The following PPP1R3E variants were observed in gnomAD, a reference collection of about 807,000 sequenced individuals.
PPP1R3E encodes the protein protein phosphatase 1, regulatory (inhibitor) subunit 3E.
A neutral mutation model predicts 18.5 loss-of-function variants in PPP1R3E; 20 were observed. That is an observed-to-expected ratio of 1.08 (90% CI 0.76 to 1.58). The LOEUF (loss-of-function observed/expected upper bound fraction) is 1.58, where lower values mean the gene tolerates loss of function less well. Among genes scored for constraint, PPP1R3E ranks in the 40% most tolerant of loss-of-function variants. PPP1R3E has a pLI of 0.00. For synonymous variants in PPP1R3E, 208 were observed against 208.1 expected (o/e 1.00, Z 0.00); for missense variants, 498 against 460.2 (o/e 1.08, Z -0.75).
In PPP1R3E at chr14:23,302,417, G is replaced by C. The variant is rs1566459140; in HGVS notation, c.160C>G (p.Arg54Gly). The C allele has an allele frequency of 1.3e-6, 2 of 1,493,692 alleles. No individual in the cohort carries two copies. Among genetic ancestry groups the C allele is most frequent in the Non-Finnish European group, 1.8e-6 (2 of 1,131,858 alleles). 92.5% of individuals were successfully genotyped at this position (1,493,692 alleles called of 1,614,324 possible). A position where few individuals can be genotyped will look rare whatever the true frequency, so the allele number is the denominator to read the frequency against. ...EGGTRFGARS[R>G]AHAPSRGRRA... Reference sequence around the variant, plus strand: ...CGGCCCCGACTCGGTGCGTGAGCGCGGGATCGGGCCCCGAACCGCGTCCCG... The same window carrying C: ...CGGCCCCGACTCGGTGCGTGAGCGCCGGATCGGGCCCCGAACCGCGTCCCG... The change falls in exon 1 of 5, where the codon CGC (arginine) becomes GGC (glycine). Residue 54 changes from arginine (R) to glycine (G), a missense_variant. Transcript: ENST00000452015.
chr14:23,299,913 G>GTTTTTTT (rs1244010225), intron 3 of PPP1R3E, among the ~76,000 whole-genome samples: 1 of 46,164 alleles, frequency 2.2e-5, no homozygotes, highest in African/African-American at 7.1e-5. Flanking sequence ...TTGCTTTGGT[G>GTTTTTTT]TTTTTTTGTT....
In PPP1R3E at chr14:23,301,634, G is replaced by A. The variant is rs1887042099; in HGVS notation, c.642C>T (p.Pro214=). Residue 214 remains proline, a synonymous_variant, in exon 2 of 5, where the codon CCC becomes CCT. Transcript: ENST00000452015. ...APAAYAGPAP[P]PPRADRFAFR... ...AGGCGAAGCGGTCGGCGCGCGGCGG[G>A]GGCGGGGCCGGACCGGCGTAGGCGG... 2 of 1,365,594 alleles carry A rather than the reference G, an allele frequency of 1.5e-6. No homozygotes were observed. Among genetic ancestry groups the A allele is most frequent in the Non-Finnish European group, 1.9e-6 (2 of 1,062,558 alleles). 84.6% of individuals were successfully genotyped at this position (1,365,594 alleles called of 1,614,324 possible).
At position 23,302,495 on chromosome 14, in the gene PPP1R3E, G is replaced by T; in HGVS notation, c.82C>A (p.Arg28Ser). The T allele has an allele frequency of 1.3e-6, 2 of 1,502,886 alleles. No homozygotes were observed. Among genetic ancestry groups the T allele is most frequent in the East Asian group, 5.4e-5 (2 of 37,186 alleles). 93.1% of individuals were successfully genotyped at this position (1,502,886 alleles called of 1,614,324 possible). Residue 28 changes from arginine to serine, a missense_variant, in exon 1 of 5, where the codon CGT becomes AGT. Coordinates refer to ENST00000452015, the MANE Select transcript of PPP1R3E (RefSeq NM_001276318.2). ...TCCTCGAGGCTGGGCCGCTGGCTAC[G>T]GTAGTAGGCGCGCTCCGTTAGCGCG... ...IAALTERAYY[R>S]SQRPSLEEEP...
In PPP1R3E at chr14:23,297,580, G is replaced by A. The variant is rs933806997; in HGVS notation, c.*1724C>T. ...TCTCCAGAGAGCCGCGAAAGCACCAGGCACTCAGAAGCCACTCAAGAAATA... is the reference window on the plus strand; with the variant it reads ...TCTCCAGAGAGCCGCGAAAGCACCAAGCACTCAGAAGCCACTCAAGAAATA... On this transcript the variant is annotated 3_prime_UTR_variant, in exon 5 of 5. Coordinates refer to ENST00000452015, the MANE Select transcript of PPP1R3E (RefSeq NM_001276318.2). 3.3e-5 allele frequency: 5 copies of A among 152,200 alleles called. No homozygotes were observed. The highest frequency in any genetic ancestry group is 5.9e-5 in the Non-Finnish European group (4 of 68,062). 9.4% of individuals were successfully genotyped at this position (152,200 alleles called of 1,614,324 possible).
At chr14:23,300,353 T>C (rs1001680133) in intron 3 of PPP1R3E, 3 of 152,272 alleles carry the variant, frequency 2.0e-5, no homozygotes, top group Admixed American at 6.5e-5. Flanking sequence ...GTTGGAAAAT[T>C]TGGCTCCTAA....
At chr14:23,301,943 C>T in intron 1 of PPP1R3E, 85 bp from the exon 2 acceptor site, 1 of 1,334,504 alleles carries the variant, frequency 7.5e-7, no homozygotes, top group Admixed American at 3.8e-5. Flanking sequence ...AGGCACTGGA[C>T]CAATCAGAGG....
rs886505758 is a variant in PPP1R3E, at chr14:23,302,645, C to T, written c.-69G>A. On this transcript the variant is annotated 5_prime_UTR_variant, in exon 1 of 5. Coordinates refer to ENST00000452015, the MANE Select transcript of PPP1R3E (RefSeq NM_001276318.2). ...CTCCCCTCTCTTCCTCTCTCCCGCC[C>T]GCCCCGCGTCAGCGCAGAAGTCGCT... is the stretch of plus-strand genomic sequence containing the variant. 2.9e-6 allele frequency: 4 copies of T among 1,367,092 alleles called. No individual in the cohort carries two copies. The highest frequency in any genetic ancestry group is 1.5e-5 in the African/African-American group (1 of 64,876). 84.7% of individuals were successfully genotyped at this position (1,367,092 alleles called of 1,614,324 possible). A position where few individuals can be genotyped will look rare whatever the true frequency, so the allele number is the denominator to read the frequency against.
In PPP1R3E at chr14:23,296,269, G is replaced by A. The variant is rs1469799589; in HGVS notation, c.*3035C>T. 2.6e-5 allele frequency: 4 copies of A among 152,194 alleles called. No individual in the cohort carries two copies. The highest frequency in any genetic ancestry group is 4.4e-5 in the Non-Finnish European group (3 of 68,050). The allele number at this position is 152,194 out of a possible 1,614,324, so 9.4% of individuals were successfully genotyped here. On this transcript the variant is annotated 3_prime_UTR_variant, in exon 5 of 5. Coordinates refer to ENST00000452015, the MANE Select transcript of PPP1R3E (RefSeq NM_001276318.2). ...TTTGTTTCTCTTTATGCCTGGATGG[G>A]GAAAGGAATGGAAACTAATAGCAGA...
rs1693874591 is a variant in PPP1R3E at position 23,297,727 on chromosome 14, G to A, written c.*1577C>T. On this transcript the variant is annotated 3_prime_UTR_variant, in exon 5 of 5. Transcript: ENST00000452015. ...CAGCCAGACCCAGCCTTGAGGCAGT[G>A]GGGCAACTAACAGCTTACCGAAGCC... 6.6e-6 allele frequency: 1 copy of A among 152,238 alleles called. No individual in the cohort carries two copies. The highest frequency in any genetic ancestry group is 2.1e-4 in the South Asian group (1 of 4,830). 9.4% of individuals were successfully genotyped at this position (152,238 alleles called of 1,614,324 possible). A position where few individuals can be genotyped will look rare whatever the true frequency, so the allele number is the denominator to read the frequency against.
Position 23,296,236 on chromosome 14 carries a change from C to CT in PPP1R3E, c.*3067_*3068insA, listed in dbSNP as rs1886875599. On this transcript the variant is annotated 3_prime_UTR_variant, in exon 5 of 5. Transcript: ENST00000452015. ...AAGCTGAGGACACAGAGAATACCAT[C>CT]ATTGTCTTTTGTTTCTCTTTATGCC... The CT allele has an allele frequency of 6.6e-6, 1 of 152,214 alleles. No homozygotes were observed. The highest frequency in any genetic ancestry group is 2.1e-4 in the South Asian group (1 of 4,830). 9.4% of individuals were successfully genotyped at this position (152,214 alleles called of 1,614,324 possible). A position where few individuals can be genotyped will look rare whatever the true frequency, so the allele number is the denominator to read the frequency against.
chr14:23,302,737 T>C lies in PPP1R3E; in HGVS notation c.-161A>G. The C allele has an allele frequency of 1.4e-6, 1 of 705,222 alleles. No individual in the cohort carries two copies. Among genetic ancestry groups the C allele is most frequent in the Non-Finnish European group, 2.2e-6 (1 of 464,772 alleles). 43.7% of individuals were successfully genotyped at this position (705,222 alleles called of 1,614,324 possible). On this transcript the variant is annotated 5_prime_UTR_variant, in exon 1 of 5. Transcript: ENST00000452015. Reference sequence around the variant, plus strand: ...GCAGACACCTCCAGGATCCTCCACCTCCCGTTGCTTTGCCTCTCCTCTGTG... The same window carrying C: ...GCAGACACCTCCAGGATCCTCCACCCCCCGTTGCTTTGCCTCTCCTCTGTG...
intron 3 of PPP1R3E, among the ~76,000 whole-genome samples, chr14:23,299,809 T>C (rs1488505711): frequency 1.3e-5 from 2 of 151,906 alleles, no homozygotes; most frequent in African/African-American, 4.8e-5. Flanking sequence ...ATATAAGGCA[T>C]GAATGTGAGT....
chr14:23,299,927 GTTTTTTTTTTTT>G (rs3079707), intron 3 of PPP1R3E, among the ~76,000 whole-genome samples: 3 of 100,772 alleles, frequency 3.0e-5, no homozygotes, highest in African/African-American at 6.4e-5. Context: ...TTTTGTTTTT[GTTTTTTTTTTTT>G]TTTTTTTTTT....
At chr14:23,300,952 G>A (rs533921720) in intron 2 of PPP1R3E, 88 bp from the exon 3 acceptor site, 1 of 154,646 alleles carries the variant, frequency 6.5e-6, no homozygotes, top group African/African-American at 2.4e-5. Context: ...GGTAAGAAGA[G>A]GGAATGCGCC....
chr14:23,299,663 AAAAG>A (rs1400189441), intron 3 of PPP1R3E, 122 bp from the exon 4 acceptor site: 5 of 152,136 alleles, frequency 3.3e-5, no homozygotes, highest in South Asian at 2.1e-4. Context: ...GTTAAAAGAA[AAAAG>A]AAAAGAGAAG....
chr14:23,299,927 G>GTTT (rs3079707), intron 3 of PPP1R3E, among the ~76,000 whole-genome samples: 1,573 of 100,736 alleles, frequency 0.016, 91 homozygotes, highest in East Asian at 0.055. Flanking sequence ...TTTTGTTTTT[G>GTTT]TTTTTTTTTT....
intron 1 of PPP1R3E, 85 bp downstream of exon 1, chr14:23,302,075 G>T (rs574546190): frequency 8.2e-6 from 11 of 1,336,366 alleles, no homozygotes; most frequent in Non-Finnish European, 1.1e-5. Flanking sequence ...ATGGAGATGG[G>T]TGCTCTTTGG....
rs1886897775 is a variant in PPP1R3E at position 23,297,024 on chromosome 14, AC to A, written c.*2279del. On this transcript the variant is annotated 3_prime_UTR_variant, in exon 5 of 5. Transcript: ENST00000452015. ...ATGGGACAGGGAGGTGTAGGAAGACACCTGCAGTCTGGATGAGAGGAATGGG... is the reference window on the plus strand; with the variant it reads ...ATGGGACAGGGAGGTGTAGGAAGACACTGCAGTCTGGATGAGAGGAATGGG... 6.6e-6 allele frequency: 1 copy of A among 152,200 alleles called. No individual in the cohort carries two copies. The highest frequency in any genetic ancestry group is 1.5e-5 in the Non-Finnish European group (1 of 68,038). 9.4% of individuals were successfully genotyped at this position (152,200 alleles called of 1,614,324 possible).
At chr14:23,299,920 TGTTTTTG>T (rs1886980723) in intron 3 of PPP1R3E, among the ~76,000 whole-genome samples, 2 of 98,290 alleles carry the variant, frequency 2.0e-5, no homozygotes, top group African/African-American at 9.3e-5. Flanking sequence ...GGTGTTTTTT[TGTTTTTG>T]TTTTTTTTTT....
Sources: gnomAD v4.1 joint callset for allele counts (sites outside exome capture counted in the v4.1 genomes callset) on GRCh38, gnomAD v4.1.1 for gene constraint, MANE v1.5 for transcripts, NCBI Gene and HGNC (gene_info 2026-07-23, HGNC 2026-07-21) for gene names.